Variants in COL10A1 observed in about 807,000 individuals in gnomAD.
COL10A1 encodes collagen type X alpha 1 chain, also known as collagen alpha-1(X) chain.
COL10A1 carries 10 observed loss-of-function variants against 18.2 expected under a neutral mutation model. The ratio of observed to expected loss-of-function variants is 0.55; its 90% confidence interval spans 0.34 to 0.93. The LOEUF (loss-of-function observed/expected upper bound fraction) is 0.93, where lower values mean the gene tolerates loss of function less well. COL10A1 is among the 40% of genes least tolerant of loss of function. The pLI is 0.02. For synonymous variants in COL10A1, 330 were observed against 316.6 expected, an observed-to-expected ratio of 1.04 and a Z score of -0.45; for missense variants, 897 against 853.5, an observed-to-expected ratio of 1.05 and a Z score of -0.64.
chr6:116,138,398 T>A (rs1779675783), intron 1 of COL10A1, among the ~76,000 whole-genome samples: 2 of 152,174 alleles, frequency 1.3e-5, no homozygotes, highest in Admixed American at 1.3e-4. Context: ...TTGTTAAGAT[T>A]TGTGTGAAAG....
intron 1 of COL10A1, among the ~76,000 whole-genome samples, chr6:116,156,589 G>A (rs1227625679): frequency 2.6e-5 from 4 of 152,202 alleles, no homozygotes; most frequent in Non-Finnish European, 5.9e-5. Flanking sequence ...AAAGCATAAG[G>A]AAGTCTTCGT....
At chr6:116,176,656 C>G in the COL10A1 span, among the ~76,000 whole-genome samples, 1 of 152,258 alleles carries the variant, frequency 6.6e-6, no homozygotes, top group African/African-American at 2.4e-5. Flanking sequence ...TTTCTTCCAC[C>G]TTTTTCCCAA....
chr6:116,163,841 G>A, the COL10A1 span, among the ~76,000 whole-genome samples: 25 of 151,266 alleles, frequency 1.7e-4, no homozygotes, highest in South Asian at 3.3e-3. Flanking sequence ...TTTTTATTTC[G>A]GCCTCAATTT....
the COL10A1 span, among the ~76,000 whole-genome samples, chr6:116,210,780 T>C: frequency 2.0e-5 from 3 of 152,036 alleles, no homozygotes; most frequent in Admixed American, 6.6e-5. Context: ...ATTCCTCAGA[T>C]ACAATGCTGA....
chr6:116,159,984 A>G (rs1410339684), upstream of COL10A1, among the ~76,000 whole-genome samples: 2 of 152,188 alleles, frequency 1.3e-5, no homozygotes, highest in African/African-American at 4.8e-5. Context: ...CACAGTGTAT[A>G]CATACCACAT....
the COL10A1 span, among the ~76,000 whole-genome samples, chr6:116,213,305 C>T: frequency 6.6e-6 from 1 of 152,090 alleles, no homozygotes; most frequent in Non-Finnish European, 1.5e-5. Flanking sequence ...GCTCAACACT[C>T]AGCTGGGGCT....
the COL10A1 span, among the ~76,000 whole-genome samples, chr6:116,185,907 G>T: frequency 1.3e-5 from 2 of 151,972 alleles, no homozygotes; most frequent in Non-Finnish European, 2.9e-5. Flanking sequence ...TATTCATCCT[G>T]CAAGTTGTTT....
the COL10A1 span, among the ~76,000 whole-genome samples, chr6:116,192,471 G>GA: frequency 1.3e-5 from 2 of 152,018 alleles, no homozygotes; most frequent in Non-Finnish European, 2.9e-5. Context: ...ATATACAGAT[G>GA]AAAGACTTGA....
the COL10A1 span, among the ~76,000 whole-genome samples, chr6:116,188,706 C>CTT: frequency 1.7e-3 from 249 of 146,274 alleles, no homozygotes; most frequent in Non-Finnish European, 2.4e-3. Context: ...AAATTTTCTA[C>CTT]TTTTTTTTTT....
At chr6:116,211,326 G>C in the COL10A1 span, among the ~76,000 whole-genome samples, 1 of 152,130 alleles carries the variant, frequency 6.6e-6, no homozygotes, top group Admixed American at 6.5e-5. Context: ...AGAATCAGGA[G>C]ATGATAATAC....
In COL10A1 at chr6:116,120,856, G is replaced by GA; in HGVS notation, c.1259dup (p.Gly422ArgfsTer30). 1 of 1,613,986 alleles carries GA rather than the reference G, an allele frequency of 6.2e-7. No individual in the cohort carries two copies. The highest frequency in any genetic ancestry group is 8.5e-7 in the Non-Finnish European group (1 of 1,179,940). The stretch of plus-strand genomic sequence containing the variant: ...CTCCTGCTGGGCCCACAGGGCCTGG[G>GA]AGACCAGGAGGTCCTCCAACTCCAG... On this transcript the variant is annotated frameshift_variant, in exon 3 of 3. Coordinates refer to ENST00000651968, the MANE Select transcript of COL10A1 (RefSeq NM_000493.4). LOFTEE classifies it low-confidence loss of function (END_TRUNC).
At chr6:116,157,207 A>G (rs538625347) in intron 1 of COL10A1, among the ~76,000 whole-genome samples, 3 of 152,272 alleles carry the variant, frequency 2.0e-5, no homozygotes, top group East Asian at 3.9e-4. Flanking sequence ...TGTTTTCATT[A>G]TTAATTTGGT....
chr6:116,215,214 A>G, the COL10A1 span, among the ~76,000 whole-genome samples: 21 of 152,294 alleles, frequency 1.4e-4, no homozygotes, highest in Non-Finnish European at 2.9e-4. Context: ...ATAAAGGAGG[A>G]CACATGCTTC....
intron 1 of COL10A1, among the ~76,000 whole-genome samples, chr6:116,141,577 G>T (rs1160981136): frequency 2.0e-5 from 3 of 151,788 alleles, no homozygotes; most frequent in Non-Finnish European, 2.9e-5. Flanking sequence ...AATTTTTTTT[G>T]ATGACCTTCC....
At chr6:116,207,767 G>A in the COL10A1 span, among the ~76,000 whole-genome samples, 4 of 151,890 alleles carry the variant, frequency 2.6e-5, no homozygotes, top group Admixed American at 6.6e-5. Flanking sequence ...GGTTCCCACT[G>A]TATTTCTACC....
chr6:116,202,167 T>C, the COL10A1 span, among the ~76,000 whole-genome samples: 1 of 151,984 alleles, frequency 6.6e-6, no homozygotes, highest in African/African-American at 2.4e-5. Flanking sequence ...AGCACCAGTC[T>C]AGACAGTGTA....
At chr6:116,151,399 ATTGTTTTTGGTTT>A (rs1780033858) in intron 1 of COL10A1, among the ~76,000 whole-genome samples, 1 of 152,130 alleles carries the variant, frequency 6.6e-6, no homozygotes, top group African/African-American at 2.4e-5. Context: ...TTCAACTCAT[ATTGTTTTTGGTTT>A]ATACCCTCTA....
chr6:116,121,607 C>CT lies in COL10A1; in HGVS notation c.508dup (p.Arg170LysfsTer32). The CT allele has an allele frequency of 6.2e-7, 1 of 1,613,980 alleles. No homozygotes were observed. The highest frequency in any genetic ancestry group is 8.5e-7 in the Non-Finnish European group (1 of 1,179,958). On this transcript the variant is annotated frameshift_variant, in exon 3 of 3. Coordinates refer to ENST00000651968, the MANE Select transcript of COL10A1 (RefSeq NM_000493.4). LOFTEE classifies it low-confidence loss of function (END_TRUNC). ...TGCACCCTTTTCTCCAGGAAAGCCC[C>CT]TGGGTCCTGGGGCTCCTGTGGGTCC... is the stretch of plus-strand genomic sequence containing the variant.
chr6:116,125,655 A>ATCTC, intron 1 of COL10A1, 148 bp from the exon 2 acceptor site: 3 of 638,438 alleles, frequency 4.7e-6, no homozygotes, highest in Non-Finnish European at 7.7e-6. Context: ...TAAATGAGAG[A>ATCTC]TCATTTTTTA....
Sources: allele counts gnomAD v4.1 joint callset (sites outside exome capture counted in the v4.1 genomes callset), GRCh38; gene constraint gnomAD v4.1.1; transcripts MANE v1.5; gene names NCBI Gene and HGNC (gene_info 2026-07-23, HGNC 2026-07-21).